The following KMT2C variants were observed in gnomAD, a reference collection of about 807,000 sequenced individuals.
KMT2C encodes histone-lysine N-methyltransferase 2C.
In KMT2C, 88 loss-of-function variants were observed where a neutral mutation model predicts 507.9. That is an observed-to-expected ratio of 0.17 (90% confidence interval 0.15 to 0.21). The LOEUF (loss-of-function observed/expected upper bound fraction) is 0.21, where lower values mean the gene tolerates loss of function less well. Among genes scored for constraint, KMT2C ranks in the 10% least tolerant of loss-of-function variants. The pLI, the probability that KMT2C is intolerant of heterozygous loss-of-function variation, is 1.00. For synonymous variants in KMT2C, 2,049 were observed against 2,080.8 expected, an observed-to-expected ratio of 0.98 and a Z score of 0.42; for missense variants, 4,954 against 5,957.8, an observed-to-expected ratio of 0.83 and a Z score of 5.55.
At chr7:152,185,420 T>G (rs62481491) in intron 34 of KMT2C, 138 bp downstream of exon 34, 3,119 of 591,016 alleles carry the variant, frequency 5.3e-3, no homozygotes, top group Non-Finnish European at 6.8e-3. Flanking sequence ...GAAAATCACT[T>G]TAAAAATAAA....
intron 37 of KMT2C, 37 bp from the exon 38 acceptor site, chr7:152,178,047 A>AAAAT: frequency 7.3e-7 from 1 of 1,376,122 alleles, no homozygotes; most frequent in Non-Finnish European, 9.4e-7. Context: ...AAAAAAGCAA[A>AAAAT]TAGGTATTAT....
chr7:152,245,577 G>A (rs1199023430), intron 14 of KMT2C, among the ~76,000 whole-genome samples: 1 of 151,914 alleles, frequency 6.6e-6, no homozygotes, highest in Non-Finnish European at 1.5e-5. Flanking sequence ...CTGGCTTACC[G>A]TTCTACTAGT....
chr7:152,254,870 G>A (rs1366101653), intron 9 of KMT2C, among the ~76,000 whole-genome samples: 2 of 151,766 alleles, frequency 1.3e-5, no homozygotes, highest in Non-Finnish European at 2.9e-5. Context: ...TATAAAATTA[G>A]CATGCAAAAG....
At chr7:152,335,908 G>T (rs1001209278) in intron 2 of KMT2C, among the ~76,000 whole-genome samples, 1 of 145,814 alleles carries the variant, frequency 6.9e-6, no homozygotes, top group African/African-American at 2.5e-5. Flanking sequence ...AGACTATAGG[G>T]TTTTTTTGTT....
chr7:152,207,176 C>T, intron 24 of KMT2C, 124 bp downstream of exon 24: 2 of 934,988 alleles, frequency 2.1e-6, no homozygotes, highest in South Asian at 2.3e-5. Context: ...TTTATGTGCA[C>T]ATATTTTTGT....
In KMT2C at chr7:152,182,702, C is replaced by T. The variant is rs901401010; in HGVS notation, c.5266-108G>A. ...TTAATTTGTTTGATGTCAGCGCTAC[C>T]AGATTGCTCCCATATTAGATTATGA... On this transcript the variant is annotated intron_variant, in intron 35 of 58. Transcript: ENST00000262189. 16 of 984,310 alleles carry T rather than the reference C, an allele frequency of 1.6e-5. No homozygotes were observed. In the African/African-American group the frequency reaches 1.8e-4, roughly 11 times the overall value. The allele number at this position is 984,310 out of a possible 1,614,324, so 61.0% of individuals were successfully genotyped here.
At chr7:152,273,390 T>C (rs917832008) in intron 7 of KMT2C, among the ~76,000 whole-genome samples, 13 of 152,204 alleles carry the variant, frequency 8.5e-5, no homozygotes, top group Non-Finnish European at 1.3e-4. Flanking sequence ...TAAATTATTT[T>C]ATAGTATAAA....
intron 3 of KMT2C, among the ~76,000 whole-genome samples, chr7:152,324,840 T>G (rs975022675): frequency 6.6e-6 from 1 of 152,010 alleles, no homozygotes; most frequent in African/African-American, 2.4e-5. Flanking sequence ...AAATTCATAT[T>G]GCTTATGAAC....
chr7:152,258,420 G>A (rs982695407), intron 9 of KMT2C, among the ~76,000 whole-genome samples: 9 of 152,188 alleles, frequency 5.9e-5, no homozygotes, highest in East Asian at 1.9e-4. Flanking sequence ...TGGTAAATGC[G>A]GTGGGAGTGC....
intron 6 of KMT2C, among the ~76,000 whole-genome samples, chr7:152,301,607 A>G (rs1266428617): frequency 1.3e-5 from 2 of 152,152 alleles, no homozygotes; most frequent in Non-Finnish European, 2.9e-5. Flanking sequence ...GGACTGCTTG[A>G]GCCTAAGAAG....
At chr7:152,205,365 T>C (rs986768209) in intron 24 of KMT2C, 140 bp from the exon 25 acceptor site, 2 of 499,658 alleles carry the variant, frequency 4.0e-6, no homozygotes, top group South Asian at 1.3e-4. Context: ...AATAACCTGA[T>C]TTTTAGGTAA....
chr7:152,337,811 A>G (rs960960117), intron 2 of KMT2C, among the ~76,000 whole-genome samples: 2 of 151,534 alleles, frequency 1.3e-5, no homozygotes, highest in Non-Finnish European at 2.9e-5. Flanking sequence ...ACATTCACAC[A>G]CTATAGTCTA....
In KMT2C at chr7:152,182,983, T is replaced by C. The variant is rs1394633475; in HGVS notation, c.5256A>G (p.Lys1752=). 6.3e-7 allele frequency: 1 copy of C among 1,585,226 alleles called. No homozygotes were observed. Among genetic ancestry groups the C allele is most frequent in the Non-Finnish European group, 8.5e-7 (1 of 1,171,350 alleles). Residue 1752 remains lysine (K), a synonymous_variant, in exon 35 of 59, where the codon AAA becomes AAG. Coordinates refer to ENST00000262189, the MANE Select transcript of KMT2C (RefSeq NM_170606.3). The part of the protein sequence containing the change: ...QRESEHEQEW[K]FRQQMRQKSK... Reference sequence around the variant, plus strand: ...TCCAAAAATTCCATACCTGTCTAAATTTCCATTCCTGTTCATGTTCTGATT... The same window carrying C: ...TCCAAAAATTCCATACCTGTCTAAACTTCCATTCCTGTTCATGTTCTGATT...
At chr7:152,335,917 T>TG (rs145685140) in intron 2 of KMT2C, among the ~76,000 whole-genome samples, 13 of 106,744 alleles carry the variant, frequency 1.2e-4, no homozygotes, top group Admixed American at 6.5e-4. Flanking sequence ...GGTTTTTTTG[T>TG]TTTTTTTTTG....
chr7:152,263,823 G>C (rs2095819312), intron 8 of KMT2C, among the ~76,000 whole-genome samples: 1 of 152,120 alleles, frequency 6.6e-6, no homozygotes, highest in Non-Finnish European at 1.5e-5. Flanking sequence ...CTGTCCTACA[G>C]CTTTATCTCT....
chr7:152,326,805 C>T (rs2096832818), intron 3 of KMT2C, among the ~76,000 whole-genome samples: 1 of 152,102 alleles, frequency 6.6e-6, no homozygotes, highest in East Asian at 1.9e-4. Flanking sequence ...CGCGCGAACC[C>T]GGGAGGCGGA....
intron 1 of KMT2C, among the ~76,000 whole-genome samples, chr7:152,429,633 GCCTCAGCCT>G (rs2097849361): frequency 6.6e-6 from 1 of 151,448 alleles, no homozygotes; most frequent in Non-Finnish European, 1.5e-5. Flanking sequence ...CGATTCTCCT[GCCTCAGCCT>G]CCCGAGTCAC....
chr7:152,252,987 TG>T (rs2095585133), intron 9 of KMT2C, among the ~76,000 whole-genome samples: 1 of 152,048 alleles, frequency 6.6e-6, no homozygotes, highest in Non-Finnish European at 1.5e-5. Flanking sequence ...CCTGAGTAGC[TG>T]GGACTACAGG....
chr7:152,327,238 G>T (rs1009063909), intron 3 of KMT2C, among the ~76,000 whole-genome samples: 4 of 152,188 alleles, frequency 2.6e-5, no homozygotes, highest in African/African-American at 9.6e-5. Flanking sequence ...GATAGGCCAT[G>T]ATTATTATAA....
Sources: gnomAD v4.1 joint callset for allele counts (sites outside exome capture counted in the v4.1 genomes callset) on GRCh38, gnomAD v4.1.1 for gene constraint, MANE v1.5 for transcripts, NCBI Gene and HGNC (gene_info 2026-07-23, HGNC 2026-07-21) for gene names.